MAP4K4: variants seen among roughly 807,000 people sequenced by gnomAD.
MAP4K4 encodes mitogen-activated protein kinase kinase kinase kinase 4, also known as HPK/GCK-like kinase HGK.
Under a neutral mutation model 189.6 loss-of-function variants are expected in MAP4K4, and 38 were observed. That is an observed-to-expected ratio of 0.20 (90% CI 0.15 to 0.26). The LOEUF (loss-of-function observed/expected upper bound fraction) is 0.26, where lower values mean the gene tolerates loss of function less well. MAP4K4 is among the 10% of genes least tolerant of loss of function. The pLI, the probability that MAP4K4 is intolerant of heterozygous loss-of-function variation, is 1.00. For missense variants in MAP4K4, 1,054 were observed against 1,726.9 expected (o/e 0.61, Z 6.91); for synonymous variants, 610 against 624.3 (o/e 0.98, Z 0.34).
chr2:101,881,112 T>C (rs2098377332), intron 27 of MAP4K4, among the ~76,000 whole-genome samples: 1 of 152,212 alleles, frequency 6.6e-6, no homozygotes, highest in Non-Finnish European at 1.5e-5. Flanking sequence ...AACATGGAAA[T>C]CTCTCTCCAT....
intron 2 of MAP4K4, among the ~76,000 whole-genome samples, chr2:101,773,053 G>C (rs922680741): frequency 6.6e-6 from 1 of 152,178 alleles, no homozygotes; most frequent in Non-Finnish European, 1.5e-5. Flanking sequence ...GCTGCTGACT[G>C]CAAGACCCCC....
intron 12 of MAP4K4, among the ~76,000 whole-genome samples, chr2:101,845,559 A>G (rs2097078251): frequency 6.6e-6 from 1 of 152,198 alleles, no homozygotes; most frequent in African/African-American, 2.4e-5. Context: ...AAACCTGTAC[A>G]GCATGTTACT....
chr2:101,758,267 T>A (rs2150096834), intron 2 of MAP4K4, among the ~76,000 whole-genome samples: 1 of 152,268 alleles, frequency 6.6e-6, no homozygotes, highest in Non-Finnish European at 1.5e-5. Context: ...CTGAAATTTG[T>A]GGTTACAGTA....
intron 14 of MAP4K4, 32 bp from the exon 15 acceptor site, chr2:101,859,611 A>T: frequency 6.6e-7 from 1 of 1,506,194 alleles, no homozygotes; most frequent in Non-Finnish European, 9.1e-7. Context: ...CCAGTGTCCC[A>T]TAGATTTAGT....
chr2:101,768,935 T>C (rs2079977499), intron 2 of MAP4K4, among the ~76,000 whole-genome samples: 1 of 152,232 alleles, frequency 6.6e-6, no homozygotes, highest in Non-Finnish European at 1.5e-5. Context: ...GTAAGCCTGT[T>C]CAGAGTCTTC....
intron 2 of MAP4K4, among the ~76,000 whole-genome samples, chr2:101,722,398 TTTTG>T (rs1356918763): frequency 6.6e-6 from 1 of 152,214 alleles, no homozygotes; most frequent in Non-Finnish European, 1.5e-5. Context: ...TTTTCTCTCG[TTTTG>T]TTTCTTTTAC....
At chr2:101,884,312 G>A (rs1268294257) in intron 28 of MAP4K4, among the ~76,000 whole-genome samples, 3 of 152,186 alleles carry the variant, frequency 2.0e-5, no homozygotes, top group African/African-American at 7.2e-5. Context: ...GTGTGTGGTG[G>A]TTATATTAGC....
intron 2 of MAP4K4, among the ~76,000 whole-genome samples, chr2:101,700,284 T>C (rs1462325888): frequency 6.6e-6 from 1 of 152,228 alleles, no homozygotes; most frequent in Non-Finnish European, 1.5e-5. Flanking sequence ...TTCATTGTTA[T>C]TTCCCCTCAT....
intron 2 of MAP4K4, among the ~76,000 whole-genome samples, chr2:101,744,979 A>T (rs1236873114): frequency 6.6e-6 from 1 of 152,138 alleles, no homozygotes; most frequent in Non-Finnish European, 1.5e-5. Flanking sequence ...ATGGGGTGGA[A>T]ATTTTAATTT....
At chr2:101,813,323 G>A (rs557727716) in intron 3 of MAP4K4, among the ~76,000 whole-genome samples, 20 of 152,200 alleles carry the variant, frequency 1.3e-4, no homozygotes, top group Non-Finnish European at 2.6e-4. Flanking sequence ...GTAGTAATAT[G>A]TATTGTGTTC....
intron 2 of MAP4K4, among the ~76,000 whole-genome samples, chr2:101,730,814 G>A (rs1467236486): frequency 5.9e-4 from 89 of 151,892 alleles, no homozygotes; most frequent in Non-Finnish European, 1.5e-5. Flanking sequence ...TTGGGAGGCC[G>A]AGGCAGGCGG....
At chr2:101,745,102 T>G (rs907886921) in intron 2 of MAP4K4, among the ~76,000 whole-genome samples, 1 of 152,182 alleles carries the variant, frequency 6.6e-6, no homozygotes, top group South Asian at 2.1e-4. Context: ...ATAGATAGAA[T>G]GATGACGTTG....
intron 3 of MAP4K4, among the ~76,000 whole-genome samples, chr2:101,791,545 G>A (rs759818235): frequency 2.0e-5 from 3 of 152,064 alleles, no homozygotes; most frequent in African/African-American, 4.8e-5. Flanking sequence ...GTTATGAATA[G>A]GATTCAATAT....
At chr2:101,794,604 T>C (rs1250691597) in intron 3 of MAP4K4, among the ~76,000 whole-genome samples, 3 of 152,220 alleles carry the variant, frequency 2.0e-5, no homozygotes, top group African/African-American at 4.8e-5. Context: ...CCTGAAAATA[T>C]TTGAGCATGC....
At chr2:101,870,728 A>T (rs562808860) in intron 23 of MAP4K4, 1 of 250,774 alleles carries the variant, frequency 4.0e-6, no homozygotes. Flanking sequence ...AAACAGGCTC[A>T]CAGAGTGAGG....
At position 101,867,208 on chromosome 2, in the gene MAP4K4, A is replaced by G; in HGVS notation, c.2357-4A>G. On this transcript the variant is annotated splice_polypyrimidine_tract_variant and splice_region_variant and intron_variant, in intron 19 of 32. Transcript: ENST00000324219. ...GTCCATCTTGTCCCTTTTGAACCCA[A>G]CAGCATCATCCAAGTCTGAAGGCTC... 6.3e-7 allele frequency: 1 copy of G among 1,589,104 alleles called. No homozygotes were observed. Among genetic ancestry groups the G allele is most frequent in the Non-Finnish European group, 8.6e-7 (1 of 1,163,518 alleles).
At chr2:101,877,782 C>G (rs777163836) in intron 27 of MAP4K4, among the ~76,000 whole-genome samples, 1 of 151,250 alleles carries the variant, frequency 6.6e-6, no homozygotes, top group Non-Finnish European at 1.5e-5. Flanking sequence ...CGGAGTCTCA[C>G]TCTGTCACCC....
At chr2:101,750,523 G>C (rs2068282105) in intron 2 of MAP4K4, among the ~76,000 whole-genome samples, 1 of 141,490 alleles carries the variant, frequency 7.1e-6, no homozygotes, top group African/African-American at 2.7e-5. Flanking sequence ...GGTTGGGGGA[G>C]GGGGGAGGGA....
At chr2:101,800,600 T>C (rs1288157295) in intron 3 of MAP4K4, among the ~76,000 whole-genome samples, 1 of 152,226 alleles carries the variant, frequency 6.6e-6, no homozygotes, top group African/African-American at 2.4e-5. Flanking sequence ...TTCATTCTTA[T>C]TGAAAATATG....
Sources: gnomAD v4.1 joint callset for allele counts (sites outside exome capture counted in the v4.1 genomes callset) on GRCh38, gnomAD v4.1.1 for gene constraint, MANE v1.5 for transcripts, NCBI Gene and HGNC (gene_info 2026-07-23, HGNC 2026-07-21) for gene names.